Variants in RTL1 observed in about 807,000 individuals in gnomAD.
RTL1 encodes the protein retrotransposon Gag like 1.
For synonymous variants in RTL1, 727 were observed against 748.4 expected (o/e 0.97, Z 0.47); for missense variants, 1,681 against 1,767.5 (o/e 0.95, Z 0.88).
intron 3 of RTL1, chr14:100,889,585 C>T (rs1478994054): frequency 6.6e-6 from 1 of 152,178 alleles, no homozygotes; most frequent in Non-Finnish European, 1.5e-5. Flanking sequence ...TGTTTAACCA[C>T]GTCCCTCTGC....
At chr14:100,899,051 G>T (rs2038906610) in intron 2 of RTL1, 1 of 152,260 alleles carries the variant, frequency 6.6e-6, no homozygotes, top group African/African-American at 2.4e-5. Flanking sequence ...GATGGGCAGT[G>T]TCGGAGGATC....
rs1382950295 is a variant in RTL1, at chr14:100,903,665, A to T, written c.-305T>A. ...AACCCCAGACTCTCCGAGGCTCCCC[A>T]CCACACCCTGCTGCTGAAGGCTGCT... On this transcript the variant is annotated 5_prime_UTR_variant, in exon 1 of 4. Coordinates refer to ENST00000649591, the MANE Select transcript of RTL1 (RefSeq NM_001134888.3). 6.6e-6 allele frequency among the ~76,000 whole-genome samples: 1 copy of T among 152,036 alleles called. No homozygotes were observed. The highest frequency in any genetic ancestry group is 1.5e-5 in the Non-Finnish European group (1 of 67,988).
chr14:100,896,254 G>A (rs770377494), intron 2 of RTL1, among the ~76,000 whole-genome samples: 42 of 152,076 alleles, frequency 2.8e-4, no homozygotes, highest in East Asian at 1.9e-4. Context: ...GATTTCTTCC[G>A]CACAAAGTCA....
chr14:100,890,117 G>T (rs1166100218), intron 3 of RTL1, among the ~76,000 whole-genome samples: 1 of 146,900 alleles, frequency 6.8e-6, no homozygotes, highest in Non-Finnish European at 1.5e-5. Context: ...TAATGCTGCT[G>T]GTTTGGGGTC....
chr14:100,887,747 CT>C (rs2038713622), intron 3 of RTL1, among the ~76,000 whole-genome samples: 1 of 140,906 alleles, frequency 7.1e-6, no homozygotes, highest in Non-Finnish European at 1.5e-5. Context: ...GAGATTCCCT[CT>C]CAAAAAAAAA....
rs117476938 is a variant in RTL1 at position 100,881,466 on chromosome 14, C to G, written c.3323G>C (p.Arg1108Pro). ...AGCCACCCGCATGGCGGGTGCCGGC[C>G]GCAGCGAGAGGCATTGCCTCACGCG... ...LLRVRQCLSL[R>P]PAPAMRVARP... The change falls in exon 4 of 4, where the codon CGG (arginine) becomes CCG (proline). Residue 1108 changes from arginine (R) to proline (P), a missense_variant. Transcript: ENST00000649591. The surrounding 1 kb of genome is among the most constrained non-coding windows in gnomAD (Gnocchi z 6.6). The G allele has an allele frequency of 1.9e-6, 3 of 1,550,672 alleles. No homozygotes were observed. Among genetic ancestry groups the G allele is most frequent in the Non-Finnish European group, 2.6e-6 (3 of 1,146,916 alleles).
chr14:100,889,251 A>T (rs533623193), intron 3 of RTL1, among the ~76,000 whole-genome samples: 4 of 152,344 alleles, frequency 2.6e-5, no homozygotes, highest in African/African-American at 9.6e-5. Flanking sequence ...TCACCATTTT[A>T]GCAAGGCACC....
intron 3 of RTL1, among the ~76,000 whole-genome samples, chr14:100,887,235 A>C (rs961679986): frequency 1.3e-5 from 2 of 152,196 alleles, no homozygotes; most frequent in African/African-American, 4.8e-5. Context: ...ACCTCTTCGC[A>C]TGATATAAAA....
At chr14:100,895,458 T>C (rs2038842702) in intron 2 of RTL1, among the ~76,000 whole-genome samples, 1 of 152,190 alleles carries the variant, frequency 6.6e-6, no homozygotes, top group African/African-American at 2.4e-5. Flanking sequence ...CATAAAATGC[T>C]TGGCACATAG....
chr14:100,880,908 C>T lies in RTL1; in HGVS notation c.3881G>A (p.Ser1294Asn), dbSNP rs1195273846. Residue 1294 changes from serine (S) to asparagine (N), a missense_variant, in exon 4 of 4, where the codon AGC becomes AAC. Physicochemically the swap from Ser to Asn is conservative, Grantham distance 46. Transcript: ENST00000649591. Reference sequence around the variant, plus strand: ...TGCACTGTGGATGTGGAGCAGGCGGCTACCAAGGAATTCCAGGACCTGGGG... The same window carrying T: ...TGCACTGTGGATGTGGAGCAGGCGGTTACCAAGGAATTCCAGGACCTGGGG... ...MDPQVLEFLGSRLLHIHSADG... is the reference protein window; with the variant it reads ...MDPQVLEFLGNRLLHIHSADG... 1 of 1,465,600 alleles carries T rather than the reference C, an allele frequency of 6.8e-7. No homozygotes were observed. Among genetic ancestry groups the T allele is most frequent in the East Asian group, 2.8e-5 (1 of 35,286 alleles). The allele number at this position is 1,465,600 out of a possible 1,614,324, so 90.8% of individuals were successfully genotyped here.
rs185261999 is a variant in RTL1 at position 100,888,036 on chromosome 14, T to C, written c.-86-3162A>G. On this transcript the variant is annotated intron_variant, in intron 3 of 3. Coordinates refer to ENST00000649591, the MANE Select transcript of RTL1 (RefSeq NM_001134888.3). ...AATCCAGATACCTTAACTTAAAATA[T>C]GTTTACAATCCAGTTTCTCTGGAGA... Among the ~76,000 whole-genome samples, 726 of 152,298 alleles carry C rather than the reference T, an allele frequency of 4.8e-3. 4 individuals are homozygous for C. Among genetic ancestry groups the C allele is most frequent in the Middle Eastern group, 0.017 (5 of 294 alleles).
In RTL1 at chr14:100,881,489, G is replaced by A. The variant is rs374671882; in HGVS notation, c.3300C>T (p.Arg1100=). 55 of 1,551,384 alleles carry A rather than the reference G, an allele frequency of 3.5e-5. No individual in the cohort carries two copies. The East Asian group carries it at 1.1e-3, about 32-fold the overall frequency. The change falls in exon 4 of 4, where the codon CGC becomes CGT. Residue 1100 remains arginine (R), a synonymous_variant. Coordinates refer to ENST00000649591, the MANE Select transcript of RTL1 (RefSeq NM_001134888.3). This position sits in a 1 kb window ranked among gnomAD's most constrained non-coding sequence, Gnocchi z 6.6. ...LALAAILVLL[R]VRQCLSLRPA... is the part of the protein sequence containing the mutation. ...GCCGCAGCGAGAGGCATTGCCTCAC[G>A]CGCAGTAGCACGAGGATGGCTGCCA...
Position 100,881,801 on chromosome 14 carries a change from C to T in RTL1, c.2988G>A (p.Val996=). The T allele has an allele frequency of 6.2e-7, 1 of 1,614,010 alleles. No homozygotes were observed. Among genetic ancestry groups the T allele is most frequent in the South Asian group, 1.1e-5 (1 of 91,080 alleles). ...EQDGGRALPP[V]RNLRWRRAFQ... Reference sequence around the variant, plus strand: ...AGGCTCTCCTCCACCGGAGGTTTCTCACAGGTGGCAGAGCTCGGCCGCCGT... The same window carrying T: ...AGGCTCTCCTCCACCGGAGGTTTCTTACAGGTGGCAGAGCTCGGCCGCCGT... Residue 996 remains valine (V), a synonymous_variant, in exon 4 of 4, where the codon GTG becomes GTA. Coordinates refer to ENST00000649591, the MANE Select transcript of RTL1 (RefSeq NM_001134888.3). This position sits in a 1 kb window ranked among gnomAD's most constrained non-coding sequence, Gnocchi z 6.6.
chr14:100,882,977 G>C lies in RTL1; in HGVS notation c.1812C>G (p.Ser604Arg), dbSNP rs750039752. ...ELQQAGDSDH[S>R]ETFYECPSTA... Reference sequence around the variant, plus strand: ...TGGAGGGACACTCGTAAAAGGTCTCGCTGTGATCACTGTCTCCAGCCTGCT... The same window carrying C: ...TGGAGGGACACTCGTAAAAGGTCTCCCTGTGATCACTGTCTCCAGCCTGCT... Residue 604 changes from serine to arginine, a missense_variant, in exon 4 of 4, where the codon AGC becomes AGG. Coordinates refer to ENST00000649591, the MANE Select transcript of RTL1 (RefSeq NM_001134888.3). 1 of 1,614,088 alleles carries C rather than the reference G, an allele frequency of 6.2e-7. No individual in the cohort carries two copies. The highest frequency in any genetic ancestry group is 1.1e-5 in the South Asian group (1 of 91,052).
Position 100,884,029 on chromosome 14 carries a change from T to G in RTL1, c.760A>C (p.Lys254Gln), listed in dbSNP as rs1379800298. The stretch of plus-strand genomic sequence containing the variant: ...GGGCTGTTTTCCTGCAGTAGAGCTT[T>G]GGCCCATTCTAATGCCAAGCCGGAC... ...HLSGLALEWA[K>Q]ALLQENSPLI... The change falls in exon 4 of 4, where the codon AAA becomes CAA. Residue 254 changes from lysine to glutamine, a missense_variant. Lys to Gln is a moderately conservative substitution (Grantham distance 53). Coordinates refer to ENST00000649591, the MANE Select transcript of RTL1 (RefSeq NM_001134888.3). The G allele has an allele frequency of 1.3e-6, 2 of 1,551,618 alleles. No homozygotes were observed. Among genetic ancestry groups the G allele is most frequent in the Non-Finnish European group, 1.7e-6 (2 of 1,147,004 alleles).
At chr14:100,902,338 C>T (rs1315256536) in intron 2 of RTL1, among the ~76,000 whole-genome samples, 2 of 152,202 alleles carry the variant, frequency 1.3e-5, no homozygotes, top group African/African-American at 2.4e-5. Flanking sequence ...GGATTGGGCG[C>T]CTCTACACCT....
At chr14:100,897,753 G>GC (rs1595344960) in intron 2 of RTL1, 2 of 141,838 alleles carry the variant, frequency 1.4e-5, no homozygotes, top group South Asian at 1.1e-4. Context: ...CTGGTTGGCG[G>GC]GGGGGGGGGT....
At position 100,882,164 on chromosome 14, in the gene RTL1, G is replaced by T; in HGVS notation, c.2625C>A (p.Phe875Leu). 1 of 1,550,652 alleles carries T rather than the reference G, an allele frequency of 6.4e-7. No individual in the cohort carries two copies. Residue 875 changes from phenylalanine (F) to leucine (L), a missense_variant, in exon 4 of 4, where the codon TTC (phenylalanine) becomes TTA (leucine). Phe to Leu is a conservative substitution (Grantham distance 22). Transcript: ENST00000649591. ...TGCCGGTGACGCCGGTTTCCAAGTA[G>T]AATGGGTTCTGGGGCTTGGGGTGGT... is the stretch of plus-strand genomic sequence containing the variant. The part of the protein sequence containing the change: ...LLHHPKPQNP[F>L]YLETGVTGTA...
In RTL1 at chr14:100,883,898, G is replaced by A. The variant is rs570099186; in HGVS notation, c.891C>T (p.Gly297=). ...CGATGTACTCAGTGGCAGAGCGGCC[G>A]CCCTGCCTGATGGTGAACATGGCCT... ...AEEAMFTIRQ[G]GRSATEYIDE... is the part of the protein sequence containing the mutation. The change falls in exon 4 of 4, where the codon GGC becomes GGT. Residue 297 remains glycine (G), a synonymous_variant. Transcript: ENST00000649591. The surrounding 1 kb of genome is among the most constrained non-coding windows in gnomAD (Gnocchi z 5.9). The A allele has an allele frequency of 6.6e-5, 102 of 1,551,514 alleles. No homozygotes were observed. The highest frequency in any genetic ancestry group is 1.1e-4 in the South Asian group (9 of 84,054).
Sources: gnomAD v4.1 joint callset for allele counts (sites outside exome capture counted in the v4.1 genomes callset) on GRCh38, gnomAD v4.1.1 for gene constraint, Gnocchi (gnomAD v3.1) non-coding constraint, MANE v1.5 for transcripts, NCBI Gene and HGNC (gene_info 2026-07-23, HGNC 2026-07-21) for gene names.